The following BTC variants were observed in gnomAD, a reference collection of about 807,000 sequenced individuals.
BTC encodes probetacellulin.
BTC carries 13 observed loss-of-function variants against 18.1 expected under a neutral mutation model. The ratio of observed to expected loss-of-function variants is 0.72; its 90% CI spans 0.47 to 1.14. The LOEUF (loss-of-function observed/expected upper bound fraction) is 1.14. BTC is among the 50% of genes most tolerant of loss of function. The pLI, the probability that BTC is intolerant of heterozygous loss-of-function variation, is 0.00. For synonymous variants in BTC, 83 were observed against 79.4 expected, an observed-to-expected ratio of 1.05 and a Z score of -0.24; for missense variants, 247 against 224.2, an observed-to-expected ratio of 1.10 and a Z score of -0.65.
chr4:74,770,234 T>C, intron 1 of BTC, 78 bp from the exon 2 acceptor site: 3 of 1,115,844 alleles, frequency 2.7e-6, no homozygotes, highest in Non-Finnish European at 3.9e-6. Context: ...TCATCACCCA[T>C]TTCACCCATT....
rs373441234 is a variant in BTC at position 74,750,581 on chromosome 4, T to C, written c.420A>G (p.Thr140=). 5 of 1,612,000 alleles carry C rather than the reference T, an allele frequency of 3.1e-6. No homozygotes were observed. The highest frequency in any genetic ancestry group is 2.2e-5 in the South Asian group (2 of 90,550). The part of the protein sequence containing the change: ...VFIILVIGVC[T]CCHPLRKRRK... ...AGTTTAAAAATACTTACTGACAGCATGTGCAGACACCGATGACCAAAATAA... is the reference window on the plus strand; with the variant it reads ...AGTTTAAAAATACTTACTGACAGCACGTGCAGACACCGATGACCAAAATAA... The change falls in exon 4 of 6, where the codon ACA becomes ACG. Residue 140 remains threonine (T), a synonymous_variant. Transcript: ENST00000395743.
chr4:74,759,811 G>A (rs1724703719), intron 2 of BTC, among the ~76,000 whole-genome samples: 1 of 152,138 alleles, frequency 6.6e-6, no homozygotes, highest in African/African-American at 2.4e-5. Context: ...GGTCATATGG[G>A]AAGTTACATG....
At position 74,756,101 on chromosome 4, in the gene BTC, T is replaced by C. The variant is rs553170890; in HGVS notation, c.164-125A>G. 3.9e-5 allele frequency: 35 copies of C among 906,986 alleles called. No homozygotes were observed. The Admixed American group carries it at 6.5e-4, about 17-fold the overall frequency. 56.2% of individuals were successfully genotyped at this position (906,986 alleles called of 1,614,324 possible). ...TGTTTGAATCTCTCATTTTTCTTTC[T>C]CTCTGCACTGGGATAAAAGTCAGAC... On this transcript the variant is annotated intron_variant, in intron 2 of 5. Coordinates refer to ENST00000395743, the MANE Select transcript of BTC (RefSeq NM_001729.4).
intron 1 of BTC, among the ~76,000 whole-genome samples, chr4:74,783,408 G>T (rs946879987): frequency 1.3e-5 from 2 of 152,008 alleles, no homozygotes; most frequent in Non-Finnish European, 2.9e-5. Context: ...TCAGATGGTT[G>T]TATCTGTGTG....
At chr4:74,787,034 T>TA (rs1381549912) in intron 1 of BTC, among the ~76,000 whole-genome samples, 14 of 152,070 alleles carry the variant, frequency 9.2e-5, no homozygotes, top group Non-Finnish European at 1.2e-4. Context: ...AACAGCCACT[T>TA]ACATTCATTC....
intron 1 of BTC, among the ~76,000 whole-genome samples, chr4:74,783,873 T>C (rs58205926): frequency 0.01 from 1,523 of 152,154 alleles, 23 homozygotes; most frequent in African/African-American, 0.035. Flanking sequence ...ACTCTTTGTG[T>C]AGCAATTGTG....
chr4:74,750,487 A>G, intron 4 of BTC, 86 bp downstream of exon 4: 1 of 1,365,734 alleles, frequency 7.3e-7, no homozygotes, highest in Non-Finnish European at 9.9e-7. Context: ...AAAGCAAAAG[A>G]GAATGTAAAG....
At chr4:74,778,297 A>G (rs1195255951) in intron 1 of BTC, among the ~76,000 whole-genome samples, 11 of 152,110 alleles carry the variant, frequency 7.2e-5, no homozygotes, top group Admixed American at 6.6e-4. Context: ...AAGGAGAGAA[A>G]TTATTTAACT....
chr4:74,765,696 G>A (rs1349173758), intron 2 of BTC, among the ~76,000 whole-genome samples: 1 of 152,032 alleles, frequency 6.6e-6, no homozygotes, highest in Non-Finnish European at 1.5e-5. Flanking sequence ...CAATCAAATT[G>A]TCAAAAGTTC....
rs559785829 is a variant in BTC at position 74,775,691 on chromosome 4, C to A, written c.65-5535G>T. ...ATTCAAAAAAATTAAACACCTACTT[C>A]TAAAGCTCCATAAATGTTTCTTCAT... On this transcript the variant is annotated intron_variant, in intron 1 of 5. Transcript: ENST00000395743. Among the ~76,000 whole-genome samples, 9 of 152,320 alleles carry A rather than the reference C, an allele frequency of 5.9e-5. No homozygotes were observed. The East Asian group carries it at 1.7e-3, about 29-fold the overall frequency.
chr4:74,767,469 C>T (rs1273483308), intron 2 of BTC, among the ~76,000 whole-genome samples: 4 of 151,588 alleles, frequency 2.6e-5, no homozygotes, highest in Admixed American at 2.6e-4. Flanking sequence ...TTTTTCTGGA[C>T]TAAAAGATTT....
intron 4 of BTC, among the ~76,000 whole-genome samples, chr4:74,749,200 T>G (rs1553955820): frequency 6.6e-6 from 1 of 151,796 alleles, no homozygotes; most frequent in African/African-American, 2.4e-5. Context: ...GATGCCGAGG[T>G]AGGTGGATCA....
At chr4:74,782,621 TG>T (rs201817500) in intron 1 of BTC, among the ~76,000 whole-genome samples, 7,432 of 152,280 alleles carry the variant, frequency 0.049, 189 homozygotes, top group Middle Eastern at 0.099. Flanking sequence ...TGCCCAGTAA[TG>T]GGATTACTGG....
chr4:74,750,732 A>G lies in BTC; in HGVS notation c.282-13T>C. On this transcript the variant is annotated splice_polypyrimidine_tract_variant and intron_variant, in intron 3 of 5. Transcript: ENST00000395743. ...GCCTTCATCACAGCTATAAAACAAG[A>G]CGAGGGCAAGGAAGTAAAACTTGCA... 6.2e-7 allele frequency: 1 copy of G among 1,609,016 alleles called. No homozygotes were observed. The highest frequency in any genetic ancestry group is 8.5e-7 in the Non-Finnish European group (1 of 1,178,760).
At position 74,773,741 on chromosome 4, in the gene BTC, AG is replaced by A. The variant is rs1725108558; in HGVS notation, c.65-3586del. On this transcript the variant is annotated intron_variant, in intron 1 of 5. Coordinates refer to ENST00000395743, the MANE Select transcript of BTC (RefSeq NM_001729.4). ...ATTCTCATGCCTCAGCCACCCAAGT[AG>A]CTGAGATTATAGGTGCCTGCCACCA... Among the ~76,000 whole-genome samples the A allele has an allele frequency of 4.0e-5, 6 of 151,860 alleles. No homozygotes were observed. In the South Asian group the frequency reaches 1.2e-3, roughly 31 times the overall value.
chr4:74,758,051 G>A (rs1553956948), intron 2 of BTC, among the ~76,000 whole-genome samples: 1 of 152,192 alleles, frequency 6.6e-6, no homozygotes, highest in African/African-American at 2.4e-5. Context: ...CCTAATCAAA[G>A]AGAAATGTAT....
At chr4:74,790,941 G>A (rs542433964) in intron 1 of BTC, among the ~76,000 whole-genome samples, 1 of 152,312 alleles carries the variant, frequency 6.6e-6, no homozygotes. Flanking sequence ...CAGCTAGGAT[G>A]AGCTTACATG....
chr4:74,755,227 TC>T (rs1314551879), intron 3 of BTC, among the ~76,000 whole-genome samples: 2 of 152,142 alleles, frequency 1.3e-5, no homozygotes, highest in Non-Finnish European at 2.9e-5. Flanking sequence ...AAGAATCTCC[TC>T]CCACTTCTCT....
chr4:74,767,037 G>A (rs1173330922), intron 2 of BTC, among the ~76,000 whole-genome samples: 2 of 151,894 alleles, frequency 1.3e-5, no homozygotes, highest in Non-Finnish European at 2.9e-5. Context: ...CAGTCTAACC[G>A]CTTCTATGCA....
Sources: gnomAD v4.1 joint callset for allele counts (sites outside exome capture counted in the v4.1 genomes callset) on GRCh38, gnomAD v4.1.1 for gene constraint, MANE v1.5 for transcripts, NCBI Gene and HGNC (gene_info 2026-07-23, HGNC 2026-07-21) for gene names.